The following NIPBL variants were observed in gnomAD, a reference collection of about 807,000 sequenced individuals.
The protein encoded by NIPBL is nipped-B-like protein.
NIPBL carries 19 observed loss-of-function variants against 321.8 expected under a neutral mutation model. That is an observed-to-expected ratio of 0.06 (90% confidence interval 0.04 to 0.09). The LOEUF (loss-of-function observed/expected upper bound fraction) is 0.09, where lower values mean the gene tolerates loss of function less well. Among genes scored for constraint, NIPBL ranks in the 10% least tolerant of loss-of-function variants. The pLI is 1.00. For synonymous variants in NIPBL, 1,106 were observed against 1,114.1 expected, an observed-to-expected ratio of 0.99 and a Z score of 0.14; for missense variants, 2,210 against 3,327.0, an observed-to-expected ratio of 0.66 and a Z score of 8.26.
At chr5:36,885,568 G>C in intron 1 of NIPBL, 1 of 531,192 alleles carries the variant, frequency 1.9e-6, no homozygotes, top group Non-Finnish European at 3.7e-6. Context: ...AGGGACCCCA[G>C]GTCAGAGACT....
intron 34 of NIPBL, among the ~76,000 whole-genome samples, chr5:37,043,389 A>G (rs1463524900): frequency 2.0e-5 from 3 of 151,982 alleles, no homozygotes; most frequent in Non-Finnish European, 4.4e-5. Flanking sequence ...TTAGCCAGGC[A>G]TGGTGGTGGG....
At chr5:36,943,292 C>T (rs986023987) in intron 1 of NIPBL, among the ~76,000 whole-genome samples, 2 of 151,998 alleles carry the variant, frequency 1.3e-5, no homozygotes, top group Non-Finnish European at 2.9e-5. Context: ...ATTATAATAA[C>T]ATCAAAAATG....
chr5:36,921,208 TG>T (rs1439704768), intron 1 of NIPBL, among the ~76,000 whole-genome samples: 2 of 150,610 alleles, frequency 1.3e-5, no homozygotes, highest in African/African-American at 4.9e-5. Flanking sequence ...TTTCATCTCC[TG>T]AAAAAAAAAA....
At chr5:37,063,685 C>T in intron 45 of NIPBL, 105 bp from the exon 46 acceptor site, 1 of 1,100,090 alleles carries the variant, frequency 9.1e-7, no homozygotes, top group South Asian at 1.4e-5. Flanking sequence ...TGGCTAACGT[C>T]TGTTTCACCC....
intron 10 of NIPBL, among the ~76,000 whole-genome samples, chr5:36,991,698 G>A (rs1408005062): frequency 6.6e-6 from 1 of 150,842 alleles, no homozygotes; most frequent in East Asian, 1.9e-4. Flanking sequence ...TATATGGGTA[G>A]GTTAGTGGAA....
intron 8 of NIPBL, 37 bp from the exon 9 acceptor site, chr5:36,975,736 AACC>A (rs1417468138): frequency 6.3e-6 from 10 of 1,599,408 alleles, no homozygotes; most frequent in Non-Finnish European, 8.6e-6. Context: ...GAAAATGTGA[AACC>A]ACCACAACTG....
chr5:37,000,162 A>C (rs372035264), intron 11 of NIPBL, among the ~76,000 whole-genome samples: 1 of 152,182 alleles, frequency 6.6e-6, no homozygotes, highest in Non-Finnish European at 1.5e-5. Flanking sequence ...CACTGAGTTC[A>C]TGTAAAGATC....
chr5:37,064,116 C>T (rs1163038794), intron 46 of NIPBL, 138 bp downstream of exon 46: 17 of 1,448,380 alleles, frequency 1.2e-5, no homozygotes, highest in Non-Finnish European at 1.5e-5. Flanking sequence ...GATAGAGATT[C>T]TCTACTTACC....
chr5:36,963,031 A>G (rs1741805444), intron 6 of NIPBL, among the ~76,000 whole-genome samples: 1 of 152,136 alleles, frequency 6.6e-6, no homozygotes, highest in Non-Finnish European at 1.5e-5. Flanking sequence ...GTAAAGGAAA[A>G]TTAATCTTAG....
At chr5:37,061,137 C>G (rs1199236952) in intron 45 of NIPBL, 119 bp downstream of exon 45, 1 of 732,030 alleles carries the variant, frequency 1.4e-6, no homozygotes, top group Non-Finnish European at 2.3e-6. Flanking sequence ...CATGAACTAT[C>G]AAGATAATTT....
In NIPBL at chr5:37,006,440, A is replaced by T. The variant is rs774746577; in HGVS notation, c.3939A>T (p.Thr1313=). ...CAAAATCAGCGGATGCTTGTCTTAC[A>T]ACTATCAACATTATGACATCCCCTA... is the stretch of plus-strand genomic sequence containing the variant. The part of the protein sequence containing the change: ...RVTKSADACL[T]TINIMTSPNM... The change falls in exon 17 of 47, where the codon ACA becomes ACT. Residue 1313 remains threonine, a synonymous_variant. Coordinates refer to ENST00000282516, the MANE Select transcript of NIPBL (RefSeq NM_133433.4). The T allele has an allele frequency of 1.9e-6, 3 of 1,612,942 alleles. No individual in the cohort carries two copies. Among genetic ancestry groups the T allele is most frequent in the Non-Finnish European group, 2.5e-6 (3 of 1,179,072 alleles).
At chr5:36,890,992 A>G (rs1391629706) in intron 1 of NIPBL, among the ~76,000 whole-genome samples, 1 of 152,152 alleles carries the variant, frequency 6.6e-6, no homozygotes, top group African/African-American at 2.4e-5. Flanking sequence ...CAGGCCGGGC[A>G]CGGTGGCTCA....
At chr5:36,970,188 A>G (rs575824854) in intron 6 of NIPBL, among the ~76,000 whole-genome samples, 118 of 152,112 alleles carry the variant, frequency 7.8e-4, no homozygotes, top group Non-Finnish European at 1.5e-3. Flanking sequence ...CAGGAGTTTG[A>G]GAGCAGCCTG....
intron 29 of NIPBL, 67 bp from the exon 30 acceptor site, chr5:37,024,518 A>T: frequency 7.3e-7 from 1 of 1,370,674 alleles, no homozygotes; most frequent in Non-Finnish European, 1.0e-6. Flanking sequence ...ATGGATACTT[A>T]TTTTCTAATT....
Position 36,975,946 on chromosome 5 carries a change from A to G in NIPBL, c.1039A>G (p.Ile347Val). ...EQSEKAAMYD[I>V]ISSPSKDSTK... ...GAGTGAGAAAGCGGCAATGTATGAT[A>G]TAATTAGTTCTCCATCCAAGGACTC... The change falls in exon 9 of 47, where the codon ATA becomes GTA. Residue 347 changes from isoleucine (I) to valine (V), a missense_variant. Physicochemically the swap from Ile to Val is conservative, Grantham distance 29 (BLOSUM62 3). Transcript: ENST00000282516. The G allele has an allele frequency of 6.2e-7, 1 of 1,613,964 alleles. No homozygotes were observed. The highest frequency in any genetic ancestry group is 8.5e-7 in the Non-Finnish European group (1 of 1,179,922).
intron 1 of NIPBL, among the ~76,000 whole-genome samples, chr5:36,952,045 TGTGTGTGTGCGCGCGCGC>T (rs1267064497): frequency 8.6e-6 from 1 of 116,276 alleles, no homozygotes; most frequent in Non-Finnish European, 1.9e-5. Context: ...TGTGTGTGTG[TGTGTGTGTGCGCGCGCGC>T]GCGCGCGCGC....
intron 1 of NIPBL, among the ~76,000 whole-genome samples, chr5:36,917,443 C>G (rs1028193187): frequency 3.3e-5 from 5 of 152,088 alleles, no homozygotes; most frequent in Admixed American, 6.5e-5. Flanking sequence ...TAGGTTGCCT[C>G]TTCACTCTGA....
intron 1 of NIPBL, among the ~76,000 whole-genome samples, chr5:36,940,291 G>A (rs775024192): frequency 2.0e-5 from 3 of 152,138 alleles, no homozygotes; most frequent in Non-Finnish European, 4.4e-5. Flanking sequence ...TATTAACTAA[G>A]ATATGTATGT....
At position 36,985,706 on chromosome 5, in the gene NIPBL, A is replaced by G; in HGVS notation, c.2526A>G (p.Arg842=). 6.2e-7 allele frequency: 1 copy of G among 1,613,882 alleles called. No homozygotes were observed. Among genetic ancestry groups the G allele is most frequent in the South Asian group, 1.1e-5 (1 of 91,072 alleles). ...RHRGDQSRVR[R]PETLRSSSRN... is the part of the protein sequence containing the mutation. ...GAGGGGATCAGTCTAGGGTTCGAAGACCAGAAACATTGAGATCCTCTAGTA... is the reference window on the plus strand; with the variant it reads ...GAGGGGATCAGTCTAGGGTTCGAAGGCCAGAAACATTGAGATCCTCTAGTA... The change falls in exon 10 of 47, where the codon AGA becomes AGG. Residue 842 remains arginine (R), a synonymous_variant. Transcript: ENST00000282516.
Sources: allele counts gnomAD v4.1 joint callset (sites outside exome capture counted in the v4.1 genomes callset), GRCh38; gene constraint gnomAD v4.1.1; transcripts MANE v1.5; gene names NCBI Gene and HGNC (gene_info 2026-07-23, HGNC 2026-07-21).